Variants in CALN1 observed in about 807,000 individuals in gnomAD.
CALN1 encodes the protein calcium-binding protein 8.
In CALN1, 17 loss-of-function variants were observed where a neutral mutation model predicts 30.6. The ratio of observed to expected loss-of-function variants is 0.56; its 90% CI spans 0.38 to 0.83. The LOEUF (loss-of-function observed/expected upper bound fraction) is 0.83, where lower values mean the gene tolerates loss of function less well. Ranked by LOEUF, CALN1 falls within the 40% of genes least tolerant of loss-of-function variation. CALN1 has a pLI of 0.00. For missense variants in CALN1, 291 were observed against 354.9 expected, an observed-to-expected ratio of 0.82 and a Z score of 1.45; for synonymous variants, 156 against 131.4, an observed-to-expected ratio of 1.19 and a Z score of -1.28.
intron 5 of CALN1, among the ~76,000 whole-genome samples, chr7:71,952,395 C>T (rs1796737414): frequency 6.6e-6 from 1 of 152,148 alleles, no homozygotes; most frequent in African/African-American, 2.4e-5. Flanking sequence ...ATAATAACTC[C>T]ACAGTTGGTC....
At chr7:72,293,288 C>A (rs1056135358) in intron 2 of CALN1, among the ~76,000 whole-genome samples, 1 of 152,114 alleles carries the variant, frequency 6.6e-6, no homozygotes, top group African/African-American at 2.4e-5. Context: ...ATCAGAACCT[C>A]AAAGTTGAGT....
At chr7:72,466,659 C>T in the CALN1 span, among the ~76,000 whole-genome samples, 1,098 of 151,966 alleles carry the variant, frequency 7.2e-3, 17 homozygotes, top group African/African-American at 0.024. Flanking sequence ...AGGAGAATTG[C>T]TTGAATCCAG....
At chr7:72,311,003 C>A (rs1311472798) in intron 2 of CALN1, among the ~76,000 whole-genome samples, 2 of 151,436 alleles carry the variant, frequency 1.3e-5, no homozygotes, top group Non-Finnish European at 2.9e-5. Flanking sequence ...CACGGGTGTA[C>A]TTATGCATGG....
At chr7:71,900,060 C>T (rs1793765667) in intron 5 of CALN1, among the ~76,000 whole-genome samples, 2 of 152,100 alleles carry the variant, frequency 1.3e-5, no homozygotes, top group African/African-American at 4.8e-5. Flanking sequence ...ATTTTTTAAA[C>T]TTTATCATGT....
At chr7:72,494,529 G>A in the CALN1 span, among the ~76,000 whole-genome samples, 1 of 152,052 alleles carries the variant, frequency 6.6e-6, no homozygotes, top group African/African-American at 2.4e-5. Context: ...CCCCACCTGC[G>A]GGAATTCCCT....
intron 5 of CALN1, among the ~76,000 whole-genome samples, chr7:71,818,680 ATTTATTTAT>A (rs1450845863): frequency 1.7e-5 from 2 of 116,684 alleles, no homozygotes; most frequent in Non-Finnish European, 3.4e-5. Flanking sequence ...TATTTTATTT[ATTTATTTAT>A]TTATTTATTT....
At chr7:71,839,660 G>A (rs900926578) in intron 5 of CALN1, among the ~76,000 whole-genome samples, 1 of 152,190 alleles carries the variant, frequency 6.6e-6, no homozygotes, top group Middle Eastern at 3.2e-3. Flanking sequence ...GAGCCAGAAG[G>A]AGTCTGAGAC....
intron 5 of CALN1, among the ~76,000 whole-genome samples, chr7:71,919,755 C>A (rs1303230812): frequency 6.6e-6 from 1 of 152,158 alleles, no homozygotes; most frequent in African/African-American, 2.4e-5. Context: ...GCCCCCTACA[C>A]ATACACACAC....
At chr7:72,229,598 A>C (rs1157822274) in intron 3 of CALN1, among the ~76,000 whole-genome samples, 1 of 152,092 alleles carries the variant, frequency 6.6e-6, no homozygotes, top group Non-Finnish European at 1.5e-5. Context: ...AATACTATGC[A>C]GCCATAAAGA....
chr7:71,911,498 G>A (rs1391252252), intron 5 of CALN1, among the ~76,000 whole-genome samples: 1 of 152,032 alleles, frequency 6.6e-6, no homozygotes, highest in Non-Finnish European at 1.5e-5. Flanking sequence ...GTACTCGAGA[G>A]GCAGAAGGAC....
chr7:72,054,421 G>GTATA (rs1563015269), intron 4 of CALN1, among the ~76,000 whole-genome samples: 49 of 130,006 alleles, frequency 3.8e-4, no homozygotes, highest in African/African-American at 1.2e-3. Context: ...ATATATACGT[G>GTATA]TATATATACA....
At chr7:72,056,567 A>C (rs1803269744) in intron 4 of CALN1, among the ~76,000 whole-genome samples, 1 of 152,162 alleles carries the variant, frequency 6.6e-6, no homozygotes, top group Non-Finnish European at 1.5e-5. Flanking sequence ...AGAAATATAT[A>C]GGTAAAATGA....
chr7:72,296,462 G>C (rs1211532251), intron 2 of CALN1, among the ~76,000 whole-genome samples: 1 of 151,338 alleles, frequency 6.6e-6, no homozygotes, highest in South Asian at 2.1e-4. Flanking sequence ...TTGTACCTCT[G>C]TAGAATTCGG....
At chr7:72,291,361 T>C (rs1426459069) in intron 2 of CALN1, among the ~76,000 whole-genome samples, 2 of 152,184 alleles carry the variant, frequency 1.3e-5, no homozygotes, top group Admixed American at 6.5e-5. Flanking sequence ...TGCCTGTCAT[T>C]TGTTGAGGGG....
chr7:72,312,967 T>C (rs183763702), intron 2 of CALN1, among the ~76,000 whole-genome samples: 217 of 152,210 alleles, frequency 1.4e-3, no homozygotes, highest in South Asian at 2.7e-3. Context: ...CCCAAGTAGC[T>C]GGGACTACAG....
intron 3 of CALN1, among the ~76,000 whole-genome samples, chr7:72,150,455 A>G (rs1481070206): frequency 6.6e-6 from 1 of 152,212 alleles, no homozygotes; most frequent in Non-Finnish European, 1.5e-5. Flanking sequence ...CTATTAAAAA[A>G]AACACTGATA....
At chr7:72,076,490 T>TGGGAGGCTGA (rs1804736438) in intron 4 of CALN1, among the ~76,000 whole-genome samples, 1 of 149,278 alleles carries the variant, frequency 6.7e-6, no homozygotes, top group Non-Finnish European at 1.5e-5. Flanking sequence ...CCCAGCTACT[T>TGGGAGGCTGA]GGGAGGCTGA....
rs1788243016 is a variant in CALN1 at position 71,815,990 on chromosome 7, G to A, written c.502-5498C>T. On this transcript the variant is annotated intron_variant, in intron 5 of 6. Transcript: ENST00000395275. ...ACTCCTGGGCTCAAGCAATCTTCTAGGTGGAACTACAGGTGCATGACACCA... is the reference window on the plus strand; with the variant it reads ...ACTCCTGGGCTCAAGCAATCTTCTAAGTGGAACTACAGGTGCATGACACCA... Among the ~76,000 whole-genome samples, 5 of 151,508 alleles carry A rather than the reference G, an allele frequency of 3.3e-5. No individual in the cohort carries two copies. The South Asian group carries it at 1.1e-3, about 32-fold the overall frequency.
intron 5 of CALN1, among the ~76,000 whole-genome samples, chr7:71,856,671 C>G (rs1342946205): frequency 1.3e-5 from 2 of 152,024 alleles, no homozygotes; most frequent in Admixed American, 6.6e-5. Context: ...AAAATAATAA[C>G]TGGCCGGGTG....
Sources: gnomAD v4.1 joint callset for allele counts (sites outside exome capture counted in the v4.1 genomes callset) on GRCh38, gnomAD v4.1.1 for gene constraint, MANE v1.5 for transcripts, NCBI Gene and HGNC (gene_info 2026-07-23, HGNC 2026-07-21) for gene names.